STK32B: variants seen among roughly 807,000 people sequenced by gnomAD.
STK32B encodes serine/threonine kinase 32B, also known as serine/threonine-protein kinase 32B.
STK32B carries 43 observed loss-of-function variants against 52.6 expected under a neutral mutation model. That is an observed-to-expected ratio of 0.82 (90% CI 0.64 to 1.05). The LOEUF (loss-of-function observed/expected upper bound fraction) is 1.05, where lower values mean the gene tolerates loss of function less well. Ranked by LOEUF, STK32B falls within the 50% of genes least tolerant of loss-of-function variation. The probability of loss-of-function intolerance (pLI) is 0.00; values close to 1 mark genes in which losing one functional copy is unlikely to be tolerated. For synonymous variants in STK32B, 238 were observed against 204.3 expected (o/e 1.17, Z -1.41); for missense variants, 621 against 534.6 (o/e 1.16, Z -1.59).
chr4:5,045,968 T>A, the STK32B span, among the ~76,000 whole-genome samples: 1 of 151,948 alleles, frequency 6.6e-6, no homozygotes, highest in Non-Finnish European at 1.5e-5. Context: ...AGAACTGTTT[T>A]CATCAAACTA....
intron 3 of STK32B, among the ~76,000 whole-genome samples, chr4:5,322,659 C>G (rs571851411): frequency 6.6e-6 from 1 of 152,304 alleles, no homozygotes; most frequent in Non-Finnish European, 1.5e-5. Context: ...TAAGAAAGGT[C>G]TAGGGTTTCC....
intron 6 of STK32B, among the ~76,000 whole-genome samples, chr4:5,446,286 C>T (rs1419416356): frequency 1.3e-5 from 2 of 152,210 alleles, no homozygotes; most frequent in Non-Finnish European, 1.5e-5. Flanking sequence ...AGATTTCTGA[C>T]CGGATGCGAT....
intron 4 of STK32B, among the ~76,000 whole-genome samples, chr4:5,333,201 G>C (rs1450189069): frequency 1.3e-5 from 2 of 152,156 alleles, no homozygotes; most frequent in African/African-American, 2.4e-5. Context: ...ACTGGTGTGA[G>C]ATGGTATCTC....
intron 1 of STK32B, among the ~76,000 whole-genome samples, chr4:5,060,883 C>A (rs1352719188): frequency 6.6e-6 from 1 of 152,074 alleles, no homozygotes; most frequent in Non-Finnish European, 1.5e-5. Flanking sequence ...GCTGCCAGTT[C>A]TATTTTTGCT....
chr4:5,376,851 C>G (rs1185796360), intron 4 of STK32B, among the ~76,000 whole-genome samples: 1 of 152,138 alleles, frequency 6.6e-6, no homozygotes. Context: ...CCCTCTGGCC[C>G]CATGCTCTGC....
At chr4:5,095,045 G>T (rs548689790) in intron 1 of STK32B, among the ~76,000 whole-genome samples, 65 of 152,342 alleles carry the variant, frequency 4.3e-4, no homozygotes, top group Admixed American at 1.4e-3. Context: ...GTGACGTAAG[G>T]TGGTGCTAAT....
At chr4:5,207,339 C>T (rs555879590) in intron 3 of STK32B, among the ~76,000 whole-genome samples, 7 of 152,280 alleles carry the variant, frequency 4.6e-5, no homozygotes, top group African/African-American at 7.2e-5. Flanking sequence ...CAGGTTTTCC[C>T]GTGCTTTTCT....
At chr4:5,225,518 T>G (rs1723807121) in intron 3 of STK32B, among the ~76,000 whole-genome samples, 1 of 152,208 alleles carries the variant, frequency 6.6e-6, no homozygotes, top group African/African-American at 2.4e-5. Context: ...AGTTTCACTT[T>G]CCATGGTTTC....
chr4:5,323,174 C>T (rs1731633779), intron 3 of STK32B, among the ~76,000 whole-genome samples: 2 of 152,136 alleles, frequency 1.3e-5, no homozygotes, highest in African/African-American at 2.4e-5. Flanking sequence ...GAAGTATCCA[C>T]TTCATGCTAA....
Position 5,317,245 on chromosome 4 carries a change from T to TATATATAACATATCTATA in STK32B, c.261-13962_261-13961insCTATAATATATAACATAT, listed in dbSNP as rs1731082909. ...TATATTATATATAACATATATATAT[T>TATATATAACATATCTATA]ATATATAACATATAACATATATATA... On this transcript the variant is annotated intron_variant, in intron 3 of 11. Coordinates refer to ENST00000282908, the MANE Select transcript of STK32B (RefSeq NM_018401.3). Among the ~76,000 whole-genome samples the TATATATAACATATCTATA allele has an allele frequency of 8.5e-5, 3 of 35,300 alleles. 1 individual carries two copies. In the African/African-American group the frequency reaches 1.0e-3, roughly 12 times the overall value. 23.2% of individuals were successfully genotyped at this position (35,300 alleles called of 152,430 possible).
chr4:5,048,453 C>T (rs774348029), upstream of STK32B, among the ~76,000 whole-genome samples: 10 of 152,148 alleles, frequency 6.6e-5, no homozygotes, highest in Non-Finnish European at 7.3e-5. Flanking sequence ...CCTGCCACCA[C>T]GCTTGGCTAA....
In STK32B at chr4:5,327,589, T is replaced by C. The variant is rs538400317; in HGVS notation, c.261-3631T>C. ...TTTTTTTGAGAAGTAGGTCTCAGCATTGGGTCTAAAATATTTGGTAAATTT... is the reference window on the plus strand; with the variant it reads ...TTTTTTTGAGAAGTAGGTCTCAGCACTGGGTCTAAAATATTTGGTAAATTT... On this transcript the variant is annotated intron_variant, in intron 3 of 11. Coordinates refer to ENST00000282908, the MANE Select transcript of STK32B (RefSeq NM_018401.3). 2.6e-5 allele frequency among the ~76,000 whole-genome samples: 4 copies of C among 152,182 alleles called. No homozygotes were observed. The East Asian group carries it at 7.7e-4, about 29-fold the overall frequency.
At chr4:5,229,869 A>T (rs945702051) in intron 3 of STK32B, among the ~76,000 whole-genome samples, 35 of 152,172 alleles carry the variant, frequency 2.3e-4, no homozygotes, top group African/African-American at 8.2e-4. Context: ...GATGATAATG[A>T]GATTACAGAG....
intron 11 of STK32B, among the ~76,000 whole-genome samples, chr4:5,498,490 G>A (rs1720471717): frequency 6.6e-6 from 1 of 152,124 alleles, no homozygotes; most frequent in Non-Finnish European, 1.5e-5. Flanking sequence ...TGACTGTTTG[G>A]CTTGCCAGAG....
chr4:5,258,151 C>T (rs992046713), intron 3 of STK32B, among the ~76,000 whole-genome samples: 1 of 151,990 alleles, frequency 6.6e-6, no homozygotes, highest in Non-Finnish European at 1.5e-5. Flanking sequence ...GGGACTTCAT[C>T]GCTATTCATT....
At chr4:5,360,576 GTACACAGCATGT>G (rs1734481041) in intron 4 of STK32B, among the ~76,000 whole-genome samples, 1 of 152,144 alleles carries the variant, frequency 6.6e-6, no homozygotes, top group Non-Finnish European at 1.5e-5. Context: ...GATGCAAGAG[GTACACAGCATGT>G]TTTATGGTTT....
intron 11 of STK32B, among the ~76,000 whole-genome samples, chr4:5,471,322 A>G (rs1717837251): frequency 6.6e-6 from 1 of 152,156 alleles, no homozygotes; most frequent in African/African-American, 2.4e-5. Flanking sequence ...GTGGGTGCCT[A>G]ATCCAACATG....
intron 3 of STK32B, among the ~76,000 whole-genome samples, chr4:5,221,843 A>G (rs1011887130): frequency 8.1e-6 from 1 of 123,264 alleles, no homozygotes; most frequent in African/African-American, 3.3e-5. Context: ...AGACAGAGCA[A>G]GACTCTGTCT....
chr4:5,379,036 C>A (rs1735759971), intron 4 of STK32B, among the ~76,000 whole-genome samples: 1 of 151,334 alleles, frequency 6.6e-6, no homozygotes, highest in Admixed American at 6.8e-5. Flanking sequence ...ACACTAAGGT[C>A]AGGGAGAAGG....
Sources: allele counts gnomAD v4.1 joint callset (sites outside exome capture counted in the v4.1 genomes callset), GRCh38; gene constraint gnomAD v4.1.1; transcripts MANE v1.5; gene names NCBI Gene and HGNC (gene_info 2026-07-23, HGNC 2026-07-21).